The following FBRSL1 variants were observed in gnomAD, a reference collection of about 807,000 sequenced individuals.
FBRSL1 encodes fibrosin-1-like protein.
FBRSL1 carries 51 observed loss-of-function variants against 89.6 expected under a neutral mutation model. The observed-to-expected ratio is 0.57, with a 90% CI of 0.45 to 0.72. The LOEUF is 0.72. Ranked by LOEUF, FBRSL1 falls within the 30% of genes least tolerant of loss-of-function variation. The pLI is 0.00. For synonymous variants in FBRSL1, 779 were observed against 681.1 expected (o/e 1.14, Z -2.24); for missense variants, 1,618 against 1,451.8 (o/e 1.11, Z -1.86).
At chr12:132,506,542 C>T (rs1388384266) in intron 1 of FBRSL1, among the ~76,000 whole-genome samples, 1 of 152,248 alleles carries the variant, frequency 6.6e-6, no homozygotes, top group African/African-American at 2.4e-5. Flanking sequence ...TGCAGGTTTC[C>T]TAGTTACTGT....
rs114447470 is a variant in FBRSL1, at chr12:132,510,622, G to A, written c.489+2272G>A. ...TGTTTGTCGTTGGAAATTGAGGCTC[G>A]GCCAGAGGCGGGAGCCCCTACAGTG... On this transcript the variant is annotated intron_variant, in intron 2 of 18. Coordinates refer to ENST00000680143, the MANE Select transcript of FBRSL1 (RefSeq NM_001367871.1). 700 of 1,229,564 alleles carry A rather than the reference G, an allele frequency of 5.7e-4. 1 individual carries two copies. In the African/African-American group the frequency reaches 7.3e-3, roughly 13 times the overall value. The allele number at this position is 1,229,564 out of a possible 1,614,324, so 76.2% of individuals were successfully genotyped here.
At chr12:132,495,955 C>T (rs865836381) in intron 1 of FBRSL1, among the ~76,000 whole-genome samples, 81 of 152,218 alleles carry the variant, frequency 5.3e-4, no homozygotes, top group Non-Finnish European at 2.9e-4. Flanking sequence ...TTGCTGGCCT[C>T]GGGGTCGGGG....
In FBRSL1 at chr12:132,547,993, G is replaced by A; in HGVS notation, c.616-10G>A. On this transcript the variant is annotated splice_polypyrimidine_tract_variant and intron_variant, in intron 4 of 18. Transcript: ENST00000680143. The stretch of plus-strand genomic sequence containing the variant: ...GGCCCCGACTCACTTCTGTCTCTCT[G>A]TCCCTGCAGTGTGACAGCGAGAGCG... 1 of 1,550,046 alleles carries A rather than the reference G, an allele frequency of 6.5e-7. No individual in the cohort carries two copies. The highest frequency in any genetic ancestry group is 8.7e-7 in the Non-Finnish European group (1 of 1,146,630).
At chr12:132,581,616 G>T in intron 16 of FBRSL1, 100 bp downstream of exon 16, 1 of 1,494,272 alleles carries the variant, frequency 6.7e-7, no homozygotes, top group Non-Finnish European at 9.1e-7. Flanking sequence ...GAGCCCCAGG[G>T]AGCCCCTTGG....
At chr12:132,559,988 G>A (rs1190764386) in intron 5 of FBRSL1, 1 of 147,718 alleles carries the variant, frequency 6.8e-6, no homozygotes, top group African/African-American at 2.4e-5. Context: ...CCGCCGCCTC[G>A]GGGCCCGCGC....
rs562531585 is a variant in FBRSL1 at position 132,524,736 on chromosome 12, C to T, written c.490-998C>T. ...AGAGAGGGAGACCGCTGGGCTTCCA[C>T]GTGAGTCTGGGCGCTGGCTGTGCAG... On this transcript the variant is annotated intron_variant, in intron 2 of 18. Coordinates refer to ENST00000680143, the MANE Select transcript of FBRSL1 (RefSeq NM_001367871.1). 2.6e-5 allele frequency among the ~76,000 whole-genome samples: 4 copies of T among 152,362 alleles called. No individual in the cohort carries two copies. In the South Asian group the frequency reaches 6.2e-4, roughly 24 times the overall value.
In FBRSL1 at chr12:132,570,189, G is replaced by A; in HGVS notation, c.955G>A (p.Gly319Ser). 1 of 1,505,734 alleles carries A rather than the reference G, an allele frequency of 6.6e-7. No individual in the cohort carries two copies. The highest frequency in any genetic ancestry group is 1.2e-5 in the South Asian group (1 of 80,732). The allele number at this position is 1,505,734 out of a possible 1,614,324, so 93.3% of individuals were successfully genotyped here. ...LLPTHVPASL[G>S]AFAGHSQAAA... is the part of the protein sequence containing the mutation. ...CCCGACACACGTGCCTGCATCCCTGGGCGCCTTCGCGGGCCACAGCCAGGC... is the reference window on the plus strand; with the variant it reads ...CCCGACACACGTGCCTGCATCCCTGAGCGCCTTCGCGGGCCACAGCCAGGC... The change falls in exon 7 of 19, where the codon GGC (glycine) becomes AGC (serine). Residue 319 changes from glycine to serine, a missense_variant. Gly to Ser is a moderately conservative substitution (Grantham distance 56). Transcript: ENST00000680143.
At chr12:132,581,204 C>T (rs1337333107) in intron 15 of FBRSL1, 2 of 985,286 alleles carry the variant, frequency 2.0e-6, no homozygotes, top group East Asian at 2.3e-4. Context: ...CCCTCCCTGC[C>T]CCCCTTGGGG....
In FBRSL1 at chr12:132,510,254, C is replaced by T. The variant is rs562843046; in HGVS notation, c.489+1904C>T. On this transcript the variant is annotated intron_variant, in intron 2 of 18. Transcript: ENST00000680143. The stretch of plus-strand genomic sequence containing the variant: ...GCCCTTCACTCCTGGGGCAGCCGGG[C>T]CCACCCTGCCGGCCTCTCCTGGGGC... 4.7e-5 allele frequency: 58 copies of T among 1,231,884 alleles called. No homozygotes were observed. In the African/African-American group the frequency reaches 8.2e-4, roughly 17 times the overall value. 76.3% of individuals were successfully genotyped at this position (1,231,884 alleles called of 1,614,324 possible).
At chr12:132,580,644 C>T (rs1220241819) in intron 15 of FBRSL1, among the ~76,000 whole-genome samples, 2 of 152,220 alleles carry the variant, frequency 1.3e-5, no homozygotes, top group Admixed American at 1.3e-4. Flanking sequence ...CATCAGCTTT[C>T]ATGCCACAGC....
chr12:132,571,286 C>G (rs1047762821), intron 9 of FBRSL1, 55 bp downstream of exon 9: 17 of 1,510,532 alleles, frequency 1.1e-5, no homozygotes, highest in Non-Finnish European at 1.3e-5. Context: ...CTCTCTGTCT[C>G]TCTCTCTTTT....
chr12:132,569,995 G>A lies in FBRSL1; in HGVS notation c.761G>A (p.Arg254His), dbSNP rs763455650. The change falls in exon 7 of 19, where the codon CGC (arginine) becomes CAC (histidine). Residue 254 changes from arginine to histidine, a missense_variant. Arg to His is a conservative substitution (Grantham distance 29). Coordinates refer to ENST00000680143, the MANE Select transcript of FBRSL1 (RefSeq NM_001367871.1). ...AAGGTGTCAGGCCTGGAGCGCAGCC[G>A]CGAGCTCAGCGCCGAGAGCTTCCTG... Reference protein sequence around the residue: ...VPKVSGLERSRELSAESFLPT... With the variant: ...VPKVSGLERSHELSAESFLPT... 7.1e-5 allele frequency: 107 copies of A among 1,501,528 alleles called. No individual in the cohort carries two copies. Among genetic ancestry groups the A allele is most frequent in the Non-Finnish European group, 8.7e-5 (99 of 1,132,422 alleles). The allele number at this position is 1,501,528 out of a possible 1,614,324, so 93.0% of individuals were successfully genotyped here.
intron 1 of FBRSL1, 49 bp downstream of exon 1, chr12:132,490,910 C>T: frequency 8.1e-7 from 1 of 1,227,910 alleles, no homozygotes; most frequent in Non-Finnish European, 1.0e-6. Context: ...GAACGGGGCC[C>T]GGAGTTGACG....
chr12:132,493,972 C>T (rs1225243900), intron 1 of FBRSL1, among the ~76,000 whole-genome samples: 1 of 152,168 alleles, frequency 6.6e-6, no homozygotes, highest in Non-Finnish European at 1.5e-5. Flanking sequence ...GAGATGGGAG[C>T]CCTGTGGCAG....
Position 132,574,407 on chromosome 12 carries a change from C to T in FBRSL1, c.1629+59C>T. The T allele has an allele frequency of 6.5e-7, 1 of 1,548,688 alleles. No individual in the cohort carries two copies. On this transcript the variant is annotated intron_variant, in intron 13 of 18. Transcript: ENST00000680143. ...AGGACTCTGGTGCCCCCGGGGCGGC[C>T]TCGGGGGGCCCGTGACAGCAGGAGT... is the stretch of plus-strand genomic sequence containing the variant.
intron 9 of FBRSL1, chr12:132,571,587 C>A: frequency 9.0e-7 from 1 of 1,111,606 alleles, no homozygotes; most frequent in Non-Finnish European, 1.2e-6. Context: ...ACGCAGCAGG[C>A]ACACACAGAC....
At position 132,576,786 on chromosome 12, in the gene FBRSL1, T is replaced by G. The variant is rs565932887; in HGVS notation, c.1702-13T>G. ...CCCCGGGCAGGCGGCCCTCACCCGT[T>G]CTATCCTCCCAGGAGATGCAGCTGG... On this transcript the variant is annotated splice_polypyrimidine_tract_variant and intron_variant, in intron 14 of 18. Coordinates refer to ENST00000680143, the MANE Select transcript of FBRSL1 (RefSeq NM_001367871.1). The G allele has an allele frequency of 6.5e-7, 1 of 1,549,682 alleles. No individual in the cohort carries two copies. The highest frequency in any genetic ancestry group is 1.4e-5 in the African/African-American group (1 of 73,118).
intron 1 of FBRSL1, among the ~76,000 whole-genome samples, chr12:132,493,215 C>A (rs932901405): frequency 6.6e-6 from 1 of 152,214 alleles, no homozygotes; most frequent in Non-Finnish European, 1.5e-5. Flanking sequence ...CCACCAGGAC[C>A]CAGCCCAGAG....
Position 132,583,178 on chromosome 12 carries a change from C to T in FBRSL1, c.2409C>T (p.Pro803=), listed in dbSNP as rs1436525600. The T allele has an allele frequency of 3.4e-6, 5 of 1,454,780 alleles. No homozygotes were observed. The highest frequency in any genetic ancestry group is 2.6e-5 in the South Asian group (2 of 77,846). 90.1% of individuals were successfully genotyped at this position (1,454,780 alleles called of 1,614,324 possible). Reference sequence around the variant, plus strand: ...AGATGCCCGCGCGCGCATCCCCGCCCCACAGCAAGGCGGCCCCTGGAGACG... The same window carrying T: ...AGATGCCCGCGCGCGCATCCCCGCCTCACAGCAAGGCGGCCCCTGGAGACG... ...AAKMPARASP[P]HSKAAPGDVK... is the part of the protein sequence containing the mutation. Residue 803 remains proline, a synonymous_variant, in exon 19 of 19, where the codon CCC becomes CCT. Coordinates refer to ENST00000680143, the MANE Select transcript of FBRSL1 (RefSeq NM_001367871.1).
Sources: allele counts gnomAD v4.1 joint callset (sites outside exome capture counted in the v4.1 genomes callset), GRCh38; gene constraint gnomAD v4.1.1; transcripts MANE v1.5; gene names NCBI Gene and HGNC (gene_info 2026-07-23, HGNC 2026-07-21).